CAPN11: variants seen among roughly 807,000 people sequenced by gnomAD.
CAPN11 encodes the protein calpain-11.
CAPN11 carries 108 observed loss-of-function variants against 105.3 expected under a neutral mutation model. That is an observed-to-expected ratio of 1.03 (90% CI 0.88 to 1.20). CAPN11 has a LOEUF of 1.20. Among genes scored for constraint, CAPN11 ranks in the 50% most tolerant of loss-of-function variants. CAPN11 has a pLI of 0.00. For missense variants in CAPN11, 883 were observed against 924.8 expected, an observed-to-expected ratio of 0.95 and a Z score of 0.59; for synonymous variants, 329 against 344.5, an observed-to-expected ratio of 0.96 and a Z score of 0.50.
At chr6:44,162,666 C>T (rs1769109558) in intron 1 of CAPN11, among the ~76,000 whole-genome samples, 1 of 152,080 alleles carries the variant, frequency 6.6e-6, no homozygotes, top group South Asian at 2.1e-4. Context: ...ATAGTCATTC[C>T]CCCACAGAAC....
At chr6:44,177,789 C>T (rs1772378733) in intron 12 of CAPN11, among the ~76,000 whole-genome samples, 1 of 152,106 alleles carries the variant, frequency 6.6e-6, no homozygotes, top group Non-Finnish European at 1.5e-5. Flanking sequence ...ACCCGGCTGC[C>T]TGGCCTCACT....
chr6:44,167,497 C>CAAA (rs61107654), intron 2 of CAPN11, among the ~76,000 whole-genome samples: 342 of 27,004 alleles, frequency 0.013, 16 homozygotes, highest in Non-Finnish European at 0.016. Context: ...GACTCCATCT[C>CAAA]AAAAAAAAAA....
chr6:44,166,926 A>G, intron 2 of CAPN11, 97 bp downstream of exon 2: 1 of 487,218 alleles, frequency 2.1e-6, no homozygotes, highest in South Asian at 1.7e-5. Context: ...GGGGGAAGTC[A>G]GTCATGTTGT....
Position 44,184,117 on chromosome 6 carries a change from C to T in CAPN11, c.*185C>T. The stretch of plus-strand genomic sequence containing the variant: ...AGCAGTGGGACCTCCGTGCCCACTC[C>T]CCCAGCTCAGAGGCTTTCTCTTTTT... On this transcript the variant is annotated 3_prime_UTR_variant, in exon 23 of 23. Transcript: ENST00000398776. 1 of 621,092 alleles carries T rather than the reference C, an allele frequency of 1.6e-6. No individual in the cohort carries two copies. The highest frequency in any genetic ancestry group is 2.8e-6 in the Non-Finnish European group (1 of 354,922). 38.5% of individuals were successfully genotyped at this position (621,092 alleles called of 1,614,324 possible). A position where few individuals can be genotyped will look rare whatever the true frequency, so the allele number is the denominator to read the frequency against.
Position 44,180,220 on chromosome 6 carries a change from A to G in CAPN11, c.1640+57A>G, listed in dbSNP as rs185873126. 226 of 1,288,746 alleles carry G rather than the reference A, an allele frequency of 1.8e-4. 2 individuals carry two copies. In the East Asian group the frequency reaches 4.0e-3, roughly 23 times the overall value. The allele number at this position is 1,288,746 out of a possible 1,614,324, so 79.8% of individuals were successfully genotyped here. A position where few individuals can be genotyped will look rare whatever the true frequency, so the allele number is the denominator to read the frequency against. On this transcript the variant is annotated intron_variant, in intron 14 of 22. Coordinates refer to ENST00000398776, the MANE Select transcript of CAPN11 (RefSeq NM_007058.4). ...CGCCACCCAAGAGCTGCAGGATATCAAGCTCAGGGAGCTGCTGTCGGGTCC... is the reference window on the plus strand; with the variant it reads ...CGCCACCCAAGAGCTGCAGGATATCGAGCTCAGGGAGCTGCTGTCGGGTCC...
intron 2 of CAPN11, chr6:44,168,962 A>T (rs1330961132): frequency 2.1e-6 from 1 of 466,716 alleles, no homozygotes; most frequent in Admixed American, 2.3e-5. Flanking sequence ...TTGCTCTGTC[A>T]CCCAGACTGG....
At position 44,166,871 on chromosome 6, in the gene CAPN11, T is replaced by C. The variant is rs1022047275; in HGVS notation, c.88+42T>C. 3.7e-5 allele frequency: 51 copies of C among 1,362,630 alleles called. No individual in the cohort carries two copies. In the African/African-American group the frequency reaches 7.1e-4, roughly 19 times the overall value. 84.4% of individuals were successfully genotyped at this position (1,362,630 alleles called of 1,614,324 possible). On this transcript the variant is annotated intron_variant, in intron 2 of 22. Coordinates refer to ENST00000398776, the MANE Select transcript of CAPN11 (RefSeq NM_007058.4). ...GTCGTGGCTCTGTGGCCTCCCTTTT[T>C]CTTCCTCCTCCTTCACTCTCTTCTC...
In CAPN11 at chr6:44,177,325, G is replaced by C. The variant is rs752512014; in HGVS notation, c.1321G>C (p.Val441Leu). 1 of 1,613,946 alleles carries C rather than the reference G, an allele frequency of 6.2e-7. No individual in the cohort carries two copies. Among genetic ancestry groups the C allele is most frequent in the Non-Finnish European group, 8.5e-7 (1 of 1,179,862 alleles). ...GGATGACGCAGAGGGCAATGTTGTG[G>C]TCTGCACCTGCCTGGTGGCCCTAAT... ...PEDDAEGNVV[V>L]CTCLVALMQK... The change falls in exon 12 of 23, where the codon GTC (valine) becomes CTC (leucine). Residue 441 changes from valine (V) to leucine (L), a missense_variant. Physicochemically the swap from Val to Leu is conservative, Grantham distance 32. Coordinates refer to ENST00000398776, the MANE Select transcript of CAPN11 (RefSeq NM_007058.4).
In CAPN11 at chr6:44,176,093, C is replaced by G. The variant is rs1478177385; in HGVS notation, c.857C>G (p.Ser286Cys). 1 of 1,612,558 alleles carries G rather than the reference C, an allele frequency of 6.2e-7. No individual in the cohort carries two copies. Among genetic ancestry groups the G allele is most frequent in the Non-Finnish European group, 8.5e-7 (1 of 1,179,170 alleles). Residue 286 changes from serine (S) to cysteine (C), a missense_variant, in exon 8 of 23, where the codon TCC (serine) becomes TGC (cysteine). Coordinates refer to ENST00000398776, the MANE Select transcript of CAPN11 (RefSeq NM_007058.4). ...IEVTSDSELE[S>C]MTDKMLVRGH... ...GTCACCAGTGATAGTGAACTGGAAT[C>G]CATGACTGACAAGATGCTGGTGAGA...
Position 44,184,059 on chromosome 6 carries a change from C to A in CAPN11, c.*127C>A. ...TGCTGATGAAATGGGCTCCAGGTGG[C>A]AGTGCCCGGGTCCCAGGTGCCGTGT... On this transcript the variant is annotated 3_prime_UTR_variant, in exon 23 of 23. Coordinates refer to ENST00000398776, the MANE Select transcript of CAPN11 (RefSeq NM_007058.4). 9.6e-7 allele frequency: 1 copy of A among 1,044,316 alleles called. No homozygotes were observed. Among genetic ancestry groups the A allele is most frequent in the South Asian group, 1.5e-5 (1 of 68,482 alleles). 64.7% of individuals were successfully genotyped at this position (1,044,316 alleles called of 1,614,324 possible).
chr6:44,182,263 CACACATACAG>C (rs1773835948), intron 19 of CAPN11, among the ~76,000 whole-genome samples: 1 of 143,708 alleles, frequency 7.0e-6, no homozygotes. Flanking sequence ...CACACACACA[CACACATACAG>C]ACACAACCAC....
chr6:44,172,473 C>A, intron 5 of CAPN11, 53 bp downstream of exon 5: 1 of 1,096,678 alleles, frequency 9.1e-7, no homozygotes, highest in Non-Finnish European at 1.3e-6. Flanking sequence ...GGGGAAGAAT[C>A]ATATATGCTT....
chr6:44,165,045 C>T (rs3757273), intron 1 of CAPN11, among the ~76,000 whole-genome samples: 63,296 of 151,868 alleles, frequency 0.42, 16,263 homozygotes, highest in African/African-American at 0.73. Flanking sequence ...TGCACCACCA[C>T]ACCTGGCTAA....
intron 1 of CAPN11, chr6:44,161,775 C>G (rs1204740716): frequency 4.4e-6 from 2 of 456,202 alleles, no homozygotes; most frequent in Non-Finnish European, 8.8e-6. Context: ...ACAGCATCTT[C>G]CCTGGTCCTT....
At chr6:44,182,041 C>CA (rs1554132428) in intron 19 of CAPN11, among the ~76,000 whole-genome samples, 1 of 12,350 alleles carries the variant, frequency 8.1e-5, no homozygotes, top group African/African-American at 1.0e-3. Flanking sequence ...CACAACCACA[C>CA]CACACACACA....
At position 44,180,099 on chromosome 6, in the gene CAPN11, T is replaced by G. The variant is rs1561852151; in HGVS notation, c.1576T>G (p.Phe526Val). ...PGEYIIIPST[F>V]EPHRDADFLL... Reference sequence around the variant, plus strand: ...GGAATATATCATTATTCCCTCCACCTTTGAGCCACACAGAGATGCTGACTT... The same window carrying G: ...GGAATATATCATTATTCCCTCCACCGTTGAGCCACACAGAGATGCTGACTT... Residue 526 changes from phenylalanine to valine, a missense_variant, in exon 14 of 23, where the codon TTT (phenylalanine) becomes GTT (valine). Transcript: ENST00000398776. 6.2e-7 allele frequency: 1 copy of G among 1,613,192 alleles called. No homozygotes were observed. The highest frequency in any genetic ancestry group is 8.5e-7 in the Non-Finnish European group (1 of 1,179,398).
chr6:44,162,623 G>A (rs377259092), intron 1 of CAPN11, among the ~76,000 whole-genome samples: 42 of 152,084 alleles, frequency 2.8e-4, no homozygotes, highest in African/African-American at 8.7e-4. Flanking sequence ...CACCCTCAGG[G>A]GAATGGGATG....
intron 19 of CAPN11, among the ~76,000 whole-genome samples, chr6:44,182,407 G>A (rs1451803376): frequency 1.3e-5 from 2 of 152,164 alleles, no homozygotes; most frequent in Non-Finnish European, 2.9e-5. Context: ...AACAAGTATA[G>A]CTCAGGTATC....
At chr6:44,164,756 G>A (rs763374489) in intron 1 of CAPN11, among the ~76,000 whole-genome samples, 8 of 152,218 alleles carry the variant, frequency 5.3e-5, no homozygotes, top group African/African-American at 1.2e-4. Flanking sequence ...GCAGAAAGTC[G>A]TGGGGCCAGA....
Sources: allele counts gnomAD v4.1 joint callset (sites outside exome capture counted in the v4.1 genomes callset), GRCh38; gene constraint gnomAD v4.1.1; transcripts MANE v1.5; gene names NCBI Gene and HGNC (gene_info 2026-07-23, HGNC 2026-07-21).